The following SGCZ variants were observed in gnomAD, a reference collection of about 807,000 sequenced individuals.
The protein encoded by SGCZ is sarcoglycan zeta.
SGCZ carries 40 observed loss-of-function variants against 41.3 expected under a neutral mutation model. The observed-to-expected ratio is 0.97, with a 90% CI of 0.75 to 1.26. The LOEUF (loss-of-function observed/expected upper bound fraction) is 1.26. Ranked by LOEUF, SGCZ falls within the 50% of genes most tolerant of loss-of-function variation. The pLI is 0.00. For synonymous variants in SGCZ, 206 were observed against 137.5 expected (o/e 1.50, Z -3.49); for missense variants, 552 against 369.8 (o/e 1.49, Z -4.04).
intron 2 of SGCZ, among the ~76,000 whole-genome samples, chr8:14,433,961 A>T (rs1170717032): frequency 6.6e-6 from 1 of 152,114 alleles, no homozygotes; most frequent in Non-Finnish European, 1.5e-5. Flanking sequence ...ACCATGCAAA[A>T]GCTCTTTCGT....
rs117579301 is a variant in SGCZ, at chr8:14,247,960, G to A, written c.337-10281C>T. Reference sequence around the variant, plus strand: ...AAAATTTACTTTATATAGAAAAATAGACAATCTGCAGATTTAAAGCAAACG... The same window carrying A: ...AAAATTTACTTTATATAGAAAAATAAACAATCTGCAGATTTAAAGCAAACG... On this transcript the variant is annotated intron_variant, in intron 3 of 7. Transcript: ENST00000382080. Among the ~76,000 whole-genome samples the A allele has an allele frequency of 3.1e-4, 47 of 152,286 alleles. No individual in the cohort carries two copies. In the East Asian group the frequency reaches 8.1e-3, roughly 26 times the overall value.
intron 2 of SGCZ, among the ~76,000 whole-genome samples, chr8:14,326,960 A>G (rs1802140634): frequency 6.6e-6 from 1 of 152,000 alleles, no homozygotes; most frequent in East Asian, 1.9e-4. Context: ...GAATGACAGA[A>G]AGTCATAAAG....
At chr8:14,946,238 G>A (rs1437643579) in intron 1 of SGCZ, among the ~76,000 whole-genome samples, 2 of 150,564 alleles carry the variant, frequency 1.3e-5, no homozygotes, top group African/African-American at 4.9e-5. Context: ...TCCTCACAGT[G>A]GTCAATATAG....
intron 2 of SGCZ, among the ~76,000 whole-genome samples, chr8:14,439,571 G>C (rs558138288): frequency 6.6e-6 from 1 of 151,556 alleles, no homozygotes; most frequent in Non-Finnish European, 1.5e-5. Flanking sequence ...ATATATAAAA[G>C]ACATTCACCA....
intron 1 of SGCZ, among the ~76,000 whole-genome samples, chr8:15,235,042 T>A (rs960861686): frequency 6.6e-6 from 1 of 152,160 alleles, no homozygotes; most frequent in Non-Finnish European, 1.5e-5. Context: ...ATAAGAAAAG[T>A]CAAAACATGC....
chr8:14,380,010 G>T (rs183710233), intron 2 of SGCZ, among the ~76,000 whole-genome samples: 1 of 152,258 alleles, frequency 6.6e-6, no homozygotes, highest in East Asian at 1.9e-4. Context: ...GGGATTACAG[G>T]TGTGAGCCAT....
chr8:14,861,570 AT>A lies in SGCZ; in HGVS notation c.40-306645del, dbSNP rs1803747919. Reference sequence around the variant, plus strand: ...ATTCATGTTAATAATTAAAATACTAATTTTTCTTTACATGGAGTGATATTAA... The same window carrying A: ...ATTCATGTTAATAATTAAAATACTAATTTTCTTTACATGGAGTGATATTAA... On this transcript the variant is annotated intron_variant, in intron 1 of 7. Transcript: ENST00000382080. Among the ~76,000 whole-genome samples the A allele has an allele frequency of 2.0e-5, 3 of 152,198 alleles. No individual in the cohort carries two copies. The South Asian group carries it at 6.2e-4, about 32-fold the overall frequency.
At chr8:14,937,485 A>G (rs1361459757) in intron 1 of SGCZ, among the ~76,000 whole-genome samples, 2 of 152,078 alleles carry the variant, frequency 1.3e-5, no homozygotes, top group Admixed American at 6.6e-5. Flanking sequence ...CAAAAATTGG[A>G]AAATCTTACA....
At chr8:14,451,839 G>A (rs1178045592) in intron 2 of SGCZ, among the ~76,000 whole-genome samples, 1 of 152,138 alleles carries the variant, frequency 6.6e-6, no homozygotes, top group East Asian at 1.9e-4. Context: ...CCCAAATACT[G>A]GTGAAGACAT....
intron 1 of SGCZ, among the ~76,000 whole-genome samples, chr8:15,005,652 T>TTTA (rs57350799): frequency 2.8e-4 from 42 of 151,636 alleles, no homozygotes; most frequent in Non-Finnish European, 2.5e-4. Context: ...TTTTTTCTTT[T>TTTA]ACCAGAGTCT....
intron 1 of SGCZ, among the ~76,000 whole-genome samples, chr8:15,176,028 A>G (rs983674223): frequency 2.0e-5 from 3 of 152,232 alleles, no homozygotes; most frequent in Non-Finnish European, 2.9e-5. Context: ...ACTTATATAA[A>G]CCTGAAAGCA....
At chr8:15,176,923 C>A (rs1041962846) in intron 1 of SGCZ, among the ~76,000 whole-genome samples, 4 of 152,120 alleles carry the variant, frequency 2.6e-5, no homozygotes, top group Non-Finnish European at 5.9e-5. Flanking sequence ...ATGGCGTGAA[C>A]CCAGGAGGCA....
intron 1 of SGCZ, among the ~76,000 whole-genome samples, chr8:15,189,055 G>C (rs1800444526): frequency 6.6e-6 from 1 of 152,136 alleles, no homozygotes; most frequent in Non-Finnish European, 1.5e-5. Context: ...TTGGTACACA[G>C]TAGGCAATCC....
intron 2 of SGCZ, among the ~76,000 whole-genome samples, chr8:14,358,051 GCACT>G (rs1284003067): frequency 2.6e-5 from 4 of 152,136 alleles, no homozygotes; most frequent in Non-Finnish European, 4.4e-5. Flanking sequence ...ATGTATTCGT[GCACT>G]CACTCATTTA....
At chr8:14,164,744 G>A in intron 4 of SGCZ, 42 bp from the exon 5 acceptor site, 1 of 1,604,762 alleles carries the variant, frequency 6.2e-7, no homozygotes, top group South Asian at 1.1e-5. Flanking sequence ...CTGGTATGCA[G>A]GAAACCATTA....
chr8:14,529,899 C>A (rs1803073267), intron 2 of SGCZ, among the ~76,000 whole-genome samples: 2 of 152,008 alleles, frequency 1.3e-5, no homozygotes, highest in African/African-American at 4.8e-5. Context: ...ATATGCAATG[C>A]ACTTTGAAAT....
intron 1 of SGCZ, among the ~76,000 whole-genome samples, chr8:15,150,424 T>C (rs1190601994): frequency 6.6e-6 from 1 of 152,222 alleles, no homozygotes; most frequent in Non-Finnish European, 1.5e-5. Flanking sequence ...TTCGATGCCC[T>C]GGGGCCATAG....
chr8:14,823,567 A>G (rs533035466), intron 1 of SGCZ, among the ~76,000 whole-genome samples: 1 of 152,204 alleles, frequency 6.6e-6, no homozygotes, highest in Non-Finnish European at 1.5e-5. Flanking sequence ...TAAGAAAAAG[A>G]CAAAGGAAAC....
rs181928718 is a variant in SGCZ at position 14,764,211 on chromosome 8, A to T, written c.40-209285T>A. ...AAGCACTTATTCACAGAAATATGTCAGATAATGAATGTAGATATGTTAGAA... is the reference window on the plus strand; with the variant it reads ...AAGCACTTATTCACAGAAATATGTCTGATAATGAATGTAGATATGTTAGAA... On this transcript the variant is annotated intron_variant, in intron 1 of 7. Transcript: ENST00000382080. Among the ~76,000 whole-genome samples the T allele has an allele frequency of 2.1e-3, 315 of 152,368 alleles. 2 individuals carry two copies. The highest frequency in any genetic ancestry group is 9.1e-3 in the South Asian group (44 of 4,832).
Sources: allele counts gnomAD v4.1 joint callset (sites outside exome capture counted in the v4.1 genomes callset), GRCh38; gene constraint gnomAD v4.1.1; transcripts MANE v1.5; gene names NCBI Gene and HGNC (gene_info 2026-07-23, HGNC 2026-07-21).